The following MAGI2 variants were observed in gnomAD, a reference collection of about 807,000 sequenced individuals.
The protein encoded by MAGI2 is membrane associated guanylate kinase, WW and PDZ domain containing 2, also known as membrane-associated guanylate kinase, WW and PDZ domain-containing protein 2.
Under a neutral mutation model 133.3 loss-of-function variants are expected in MAGI2, and 35 were observed. That is an observed-to-expected ratio of 0.26 (90% confidence interval 0.20 to 0.35). MAGI2 has a LOEUF of 0.35. MAGI2 is among the 10% of genes least tolerant of loss of function. The probability of loss-of-function intolerance (pLI) is 1.00; values close to 1 mark genes in which losing one functional copy is unlikely to be tolerated. For missense variants in MAGI2, 1,636 were observed against 1,863.4 expected, an observed-to-expected ratio of 0.88 and a Z score of 2.25; for synonymous variants, 729 against 710.6, an observed-to-expected ratio of 1.03 and a Z score of -0.41.
intron 1 of MAGI2, among the ~76,000 whole-genome samples, chr7:79,118,100 A>G (rs1819564279): frequency 6.6e-6 from 1 of 152,222 alleles, no homozygotes; most frequent in South Asian, 2.1e-4. Context: ...GGACATAGCC[A>G]TGAGTACCAA....
intron 2 of MAGI2, among the ~76,000 whole-genome samples, chr7:78,643,696 A>C (rs1810538963): frequency 6.6e-6 from 1 of 152,138 alleles, no homozygotes. Context: ...AAAAGTAATA[A>C]CAATATAGTG....
intron 1 of MAGI2, among the ~76,000 whole-genome samples, chr7:79,142,577 T>G (rs1355707790): frequency 1.3e-5 from 2 of 152,182 alleles, no homozygotes; most frequent in Non-Finnish European, 2.9e-5. Context: ...TGTGTGTGCA[T>G]GTGGATGTGT....
At chr7:78,721,988 C>CA (rs1467259145) in intron 2 of MAGI2, among the ~76,000 whole-genome samples, 1 of 151,216 alleles carries the variant, frequency 6.6e-6, no homozygotes, top group African/African-American at 2.4e-5. Context: ...TTAGTGAGAG[C>CA]AAAATATTAT....
At chr7:79,358,108 A>T (rs1563149102) in intron 1 of MAGI2, among the ~76,000 whole-genome samples, 1 of 148,494 alleles carries the variant, frequency 6.7e-6, no homozygotes. Flanking sequence ...TCCCTACATT[A>T]AAAAAAAAGA....
chr7:78,938,356 T>C (rs993057588), intron 2 of MAGI2, among the ~76,000 whole-genome samples: 7 of 152,100 alleles, frequency 4.6e-5, no homozygotes, highest in African/African-American at 1.7e-4. Flanking sequence ...ACAATGATAA[T>C]GTGAAAATAG....
chr7:78,052,222 G>A (rs1203646515), intron 21 of MAGI2, among the ~76,000 whole-genome samples: 3 of 152,152 alleles, frequency 2.0e-5, no homozygotes, highest in Non-Finnish European at 4.4e-5. Context: ...CAGTGTTGGA[G>A]GTAGGGCCTG....
At chr7:78,389,458 G>A (rs1795701281) in intron 6 of MAGI2, among the ~76,000 whole-genome samples, 1 of 152,146 alleles carries the variant, frequency 6.6e-6, no homozygotes, top group Admixed American at 6.6e-5. Context: ...TTGTGTTCCT[G>A]GAACCTACTG....
At chr7:79,266,617 G>T (rs544272217) in intron 1 of MAGI2, among the ~76,000 whole-genome samples, 1 of 152,086 alleles carries the variant, frequency 6.6e-6, no homozygotes, top group Admixed American at 6.6e-5. Flanking sequence ...TTAACCCATT[G>T]CCGTCCATCA....
chr7:79,237,233 C>T (rs143130645), intron 1 of MAGI2, among the ~76,000 whole-genome samples: 9 of 152,196 alleles, frequency 5.9e-5, no homozygotes, highest in African/African-American at 1.2e-4. Flanking sequence ...CGGTGGCTCA[C>T]GCCTGTAATC....
At chr7:78,952,322 A>G (rs1381632813) in intron 2 of MAGI2, among the ~76,000 whole-genome samples, 1 of 151,706 alleles carries the variant, frequency 6.6e-6, no homozygotes, top group Non-Finnish European at 1.5e-5. Flanking sequence ...TAGGAGAAAC[A>G]CTTACATTTA....
intron 6 of MAGI2, among the ~76,000 whole-genome samples, chr7:78,374,973 G>C (rs1794300016): frequency 6.6e-6 from 1 of 151,892 alleles, no homozygotes; most frequent in Admixed American, 6.6e-5. Flanking sequence ...CTGAGTAGCT[G>C]GGATTACAAG....
At position 78,859,140 on chromosome 7, in the gene MAGI2, C is replaced by T. The variant is rs546505177; in HGVS notation, c.418+147950G>A. Among the ~76,000 whole-genome samples, 211 of 152,088 alleles carry T rather than the reference C, an allele frequency of 1.4e-3. 3 individuals carry two copies. The highest frequency in any genetic ancestry group is 6.8e-3 in the Middle Eastern group (2 of 294). ...TTTTGAGCCTATGTGTGTCTCTGCA[C>T]GTGAGATGGGTCTCCTGAATACAGC... On this transcript the variant is annotated intron_variant, in intron 2 of 21. Coordinates refer to ENST00000354212, the MANE Select transcript of MAGI2 (RefSeq NM_012301.4).
chr7:79,226,057 T>A (rs1465414615), intron 1 of MAGI2, among the ~76,000 whole-genome samples: 1 of 152,176 alleles, frequency 6.6e-6, no homozygotes, highest in Non-Finnish European at 1.5e-5. Context: ...TTTTCAGGCA[T>A]TAGGCCACTG....
At chr7:78,447,269 G>C (rs540367052) in intron 6 of MAGI2, among the ~76,000 whole-genome samples, 1 of 151,526 alleles carries the variant, frequency 6.6e-6, no homozygotes, top group Non-Finnish European at 1.5e-5. Flanking sequence ...TATACATTGC[G>C]TAAAAACTAA....
intron 10 of MAGI2, among the ~76,000 whole-genome samples, chr7:78,218,831 T>A (rs1788521113): frequency 6.6e-6 from 1 of 152,110 alleles, no homozygotes; most frequent in South Asian, 2.1e-4. Flanking sequence ...CTAATCTAGG[T>A]TTTTTCCTAA....
At chr7:78,303,447 A>G (rs1312805365) in intron 9 of MAGI2, among the ~76,000 whole-genome samples, 1 of 148,790 alleles carries the variant, frequency 6.7e-6, no homozygotes, top group Non-Finnish European at 1.5e-5. Flanking sequence ...TTAAAGCACC[A>G]GAAACTTACC....
chr7:79,084,563 C>T (rs1348924456), intron 1 of MAGI2, among the ~76,000 whole-genome samples: 2 of 151,612 alleles, frequency 1.3e-5, no homozygotes, highest in East Asian at 3.9e-4. Context: ...TGTTTTGTGG[C>T]CTAACTTCAC....
chr7:78,948,646 G>A (rs957745681), intron 2 of MAGI2, among the ~76,000 whole-genome samples: 1 of 152,026 alleles, frequency 6.6e-6, no homozygotes, highest in African/African-American at 2.4e-5. Context: ...AAACTAATGA[G>A]TTATTATTTG....
chr7:78,022,286 G>T (rs1808473590), intron 21 of MAGI2, among the ~76,000 whole-genome samples: 2 of 152,196 alleles, frequency 1.3e-5, no homozygotes, highest in Admixed American at 1.3e-4. Flanking sequence ...GGTAGCTTGT[G>T]CAACAGTGAT....
Sources: gnomAD v4.1 joint callset for allele counts (sites outside exome capture counted in the v4.1 genomes callset) on GRCh38, gnomAD v4.1.1 for gene constraint, MANE v1.5 for transcripts, NCBI Gene and HGNC (gene_info 2026-07-23, HGNC 2026-07-21) for gene names.